Variants in AP2A2 observed in about 807,000 individuals in gnomAD.
AP2A2 encodes adaptor related protein complex 2 subunit alpha 2, also known as AP-2 complex subunit alpha-2.
Under a neutral mutation model 104.2 loss-of-function variants are expected in AP2A2, and 32 were observed. The ratio of observed to expected loss-of-function variants is 0.31; its 90% CI spans 0.23 to 0.41. The LOEUF is 0.41. Among genes scored for constraint, AP2A2 ranks in the 10% least tolerant of loss-of-function variants. The probability of loss-of-function intolerance (pLI) is 1.00; values close to 1 mark genes in which losing one functional copy is unlikely to be tolerated. For synonymous variants in AP2A2, 539 were observed against 533.3 expected, an observed-to-expected ratio of 1.01 and a Z score of -0.15; for missense variants, 912 against 1,261.0, an observed-to-expected ratio of 0.72 and a Z score of 4.19.
rs986262817 is a variant in AP2A2, at chr11:945,957, A to G, written c.68-13480A>G. 3.3e-5 allele frequency among the ~76,000 whole-genome samples: 5 copies of G among 152,184 alleles called. No homozygotes were observed. The South Asian group carries it at 1.0e-3, about 31-fold the overall frequency. The stretch of plus-strand genomic sequence containing the variant: ...GTAGGAGTGACATGTGGAGGTTTAG[A>G]AAACAGAATCAACAGAGGCATGCAT... On this transcript the variant is annotated intron_variant, in intron 1 of 21. Transcript: ENST00000448903.
chr11:1,005,937 A>AT (rs987086380), intron 16 of AP2A2, among the ~76,000 whole-genome samples: 1 of 152,234 alleles, frequency 6.6e-6, no homozygotes. Flanking sequence ...GTTCACAAAG[A>AT]TTTTTTACTG....
chr11:988,311 G>A (rs1855530047), intron 9 of AP2A2, among the ~76,000 whole-genome samples: 1 of 152,252 alleles, frequency 6.6e-6, no homozygotes, highest in Admixed American at 6.5e-5. Flanking sequence ...GCAGAATCCA[G>A]GCAGTGCGCT....
chr11:989,200 G>A (rs558540169), intron 10 of AP2A2, among the ~76,000 whole-genome samples: 6 of 152,308 alleles, frequency 3.9e-5, no homozygotes, highest in African/African-American at 1.4e-4. Flanking sequence ...AGTGGCGCAT[G>A]CCTGTAATGC....
chr11:947,488 G>T (rs190662175), intron 1 of AP2A2, among the ~76,000 whole-genome samples: 17 of 152,274 alleles, frequency 1.1e-4, no homozygotes, highest in African/African-American at 3.8e-4. Flanking sequence ...ATCAAAACTG[G>T]ATTGTTTTAA....
In AP2A2 at chr11:992,963, G is replaced by A. The variant is rs1442601766; in HGVS notation, c.1452+278G>A. Among the ~76,000 whole-genome samples the A allele has an allele frequency of 2.6e-5, 4 of 152,194 alleles. No homozygotes were observed. On this transcript the variant is annotated intron_variant, in intron 11 of 21. Transcript: ENST00000448903. The surrounding 1 kb of genome is among the most constrained non-coding windows in gnomAD (Gnocchi z 6.4). ...GAGCATGCTGGGGCATGCCGTGGTG[G>A]GGCCTGCCCTGTCCGTCGGAGAGGG...
intron 18 of AP2A2, chr11:1,008,736 T>G: frequency 3.1e-6 from 1 of 326,402 alleles, no homozygotes. Flanking sequence ...TTGTATACTG[T>G]AGAATTCGGG....
At position 975,721 on chromosome 11, in the gene AP2A2, C is replaced by T. The variant is rs769478203; in HGVS notation, c.474-1374C>T. Among the ~76,000 whole-genome samples the T allele has an allele frequency of 1.5e-3, 83 of 56,284 alleles. 3 individuals are homozygous for T. Among genetic ancestry groups the T allele is most frequent in the Middle Eastern group, 0.015 (1 of 68 alleles). 36.9% of individuals were successfully genotyped at this position (56,284 alleles called of 152,430 possible). ...TCTCCCTCGTGTGAGCCGACGTCGG[C>T]GAGTAGCTGTGGGATCCTTGGTCTC... On this transcript the variant is annotated intron_variant, in intron 4 of 21. Transcript: ENST00000448903.
chr11:934,735 T>C (rs1233699471), intron 1 of AP2A2, among the ~76,000 whole-genome samples: 1 of 152,210 alleles, frequency 6.6e-6, no homozygotes, highest in Non-Finnish European at 1.5e-5. Context: ...ATTTAGCATA[T>C]CTAAAGAACT....
At chr11:994,506 G>C (rs1855778713) in intron 14 of AP2A2, among the ~76,000 whole-genome samples, 1 of 144,710 alleles carries the variant, frequency 6.9e-6, no homozygotes, top group Non-Finnish European at 1.5e-5. Context: ...ACGCCCCGCT[G>C]TCTGTCCCGG....
intron 1 of AP2A2, chr11:942,367 T>G (rs574614942): frequency 6.6e-6 from 1 of 152,246 alleles, no homozygotes; most frequent in Non-Finnish European, 1.5e-5. Flanking sequence ...AAGGACCTTG[T>G]TCCCCATTCA....
chr11:940,641 T>C (rs1853614905), intron 1 of AP2A2: 1 of 355,424 alleles, frequency 2.8e-6, no homozygotes, highest in East Asian at 7.4e-5. Context: ...GTGTTTCCTT[T>C]GGCGTTTCCT....
In AP2A2 at chr11:992,708, A is replaced by T; in HGVS notation, c.1452+23A>T. The T allele has an allele frequency of 6.2e-7, 1 of 1,613,246 alleles. No homozygotes were observed. On this transcript the variant is annotated intron_variant, in intron 11 of 21. Coordinates refer to ENST00000448903, the MANE Select transcript of AP2A2 (RefSeq NM_012305.4). This position sits in a 1 kb window ranked among gnomAD's most constrained non-coding sequence, Gnocchi z 6.4. ...GAGGTATGGCCCGCAGGATGGCAGG[A>T]AGGATGGGGTGGAGGGCAGTTGCAG...
chr11:981,186 G>A lies in AP2A2; in HGVS notation c.604-12G>A. ...CAAGTGTTCTGACTCTTGTGTGTGT[G>A]TTTTCTTTCAGGGTGTGGTAACTGC... On this transcript the variant is annotated splice_polypyrimidine_tract_variant and intron_variant, in intron 5 of 21. Transcript: ENST00000448903. 1.2e-6 allele frequency: 2 copies of A among 1,603,894 alleles called. No homozygotes were observed. Among genetic ancestry groups the A allele is most frequent in the Non-Finnish European group, 1.7e-6 (2 of 1,174,360 alleles).
At chr11:1,003,646 GT>G (rs1272344907) in intron 15 of AP2A2, 75 bp from the exon 16 acceptor site, 4 of 1,001,990 alleles carry the variant, frequency 4.0e-6, no homozygotes, top group Non-Finnish European at 5.8e-6. Context: ...CGTGCTGTGA[GT>G]TTTTTTCCAG....
chr11:982,198 C>T (rs1855268781), intron 6 of AP2A2, among the ~76,000 whole-genome samples: 1 of 152,122 alleles, frequency 6.6e-6, no homozygotes, highest in African/African-American at 2.4e-5. Context: ...TTACAGGCAC[C>T]CACCACCAAG....
At chr11:979,115 A>G (rs548207399) in intron 5 of AP2A2, among the ~76,000 whole-genome samples, 128 of 151,974 alleles carry the variant, frequency 8.4e-4, no homozygotes, top group Middle Eastern at 6.8e-3. Context: ...GGGTGGGGCC[A>G]CGTGTCGCGG....
At chr11:943,012 C>T (rs574707073) in intron 1 of AP2A2, 1 of 152,350 alleles carries the variant, frequency 6.6e-6, no homozygotes. Flanking sequence ...CGTGCTGGGC[C>T]TTGAAGGCTC....
intron 9 of AP2A2, 128 bp downstream of exon 9, chr11:987,081 C>T (rs1855486815): frequency 3.5e-6 from 4 of 1,137,766 alleles, no homozygotes; most frequent in Non-Finnish European, 5.0e-6. Context: ...TGCTGCTGGC[C>T]TCCGCCTGTC....
chr11:994,354 G>A (rs1855769166), intron 14 of AP2A2, 109 bp downstream of exon 14: 1 of 1,409,992 alleles, frequency 7.1e-7, no homozygotes, highest in Admixed American at 2.1e-5. Context: ...GAGAACCCAG[G>A]CTCTGGCTGT....
Sources: gnomAD v4.1 joint callset for allele counts (sites outside exome capture counted in the v4.1 genomes callset) on GRCh38, gnomAD v4.1.1 for gene constraint, Gnocchi (gnomAD v3.1) non-coding constraint, MANE v1.5 for transcripts, NCBI Gene and HGNC (gene_info 2026-07-23, HGNC 2026-07-21) for gene names.